The following C1QTNF7 variants were observed in gnomAD, a reference collection of about 807,000 sequenced individuals.
C1QTNF7 encodes the protein complement C1q tumor necrosis factor-related protein 7.
Under a neutral mutation model 19.6 loss-of-function variants are expected in C1QTNF7, and 15 were observed. The ratio of observed to expected loss-of-function variants is 0.76; its 90% CI spans 0.51 to 1.18. C1QTNF7 has a LOEUF of 1.18. Ranked by LOEUF, C1QTNF7 falls within the 50% of genes most tolerant of loss-of-function variation. The pLI is 0.00. For synonymous variants in C1QTNF7, 142 were observed against 137.5 expected, an observed-to-expected ratio of 1.03 and a Z score of -0.23; for missense variants, 324 against 359.7, an observed-to-expected ratio of 0.90 and a Z score of 0.80.
At chr4:15,426,162 A>G (rs1418690874), upstream of C1QTNF7, among the ~76,000 whole-genome samples, 1 of 152,234 alleles carries the variant, frequency 6.6e-6, no homozygotes, top group Non-Finnish European at 1.5e-5. Flanking sequence ...AAAGAGCACA[A>G]GTTGAGAAAG....
At chr4:15,371,235 C>T (rs750241773) in intron 1 of C1QTNF7, among the ~76,000 whole-genome samples, 108 of 152,362 alleles carry the variant, frequency 7.1e-4, no homozygotes, top group Admixed American at 2.5e-3. Flanking sequence ...ACATTAACAA[C>T]CTCATTCTTG....
chr4:15,381,826 C>CAA (rs1390097916), intron 1 of C1QTNF7: 4 of 152,158 alleles, frequency 2.6e-5, no homozygotes, highest in African/African-American at 9.7e-5. Context: ...GTTGAAGAAC[C>CAA]AACTCTTTAA....
intron 2 of C1QTNF7, among the ~76,000 whole-genome samples, chr4:15,439,418 T>C (rs940340779): frequency 6.6e-6 from 1 of 152,202 alleles, no homozygotes; most frequent in Non-Finnish European, 1.5e-5. Flanking sequence ...TCCAACACTT[T>C]CGTTTCAAGG....
upstream of C1QTNF7, among the ~76,000 whole-genome samples, chr4:15,427,311 G>A (rs574150143): frequency 6.6e-6 from 1 of 152,188 alleles, no homozygotes; most frequent in South Asian, 2.1e-4. Context: ...TATTGCTGTT[G>A]CCAAGGAAAT....
intron 1 of C1QTNF7, among the ~76,000 whole-genome samples, chr4:15,384,319 C>CAATTGTTT (rs1284543149): frequency 6.6e-6 from 1 of 152,068 alleles, no homozygotes; most frequent in Non-Finnish European, 1.5e-5. Context: ...GAAATGATAG[C>CAATTGTTT]AATTGTTTAT....
chr4:15,439,451 G>C (rs1045299143), intron 2 of C1QTNF7, among the ~76,000 whole-genome samples: 1 of 152,148 alleles, frequency 6.6e-6, no homozygotes, highest in Non-Finnish European at 1.5e-5. Flanking sequence ...AAGCCAGAGA[G>C]ATCAAGCCCT....
rs149781669 is a variant in C1QTNF7, at chr4:15,393,159, G to A, written c.14-42577G>A. Among the ~76,000 whole-genome samples, 275 of 152,216 alleles carry A rather than the reference G, an allele frequency of 1.8e-3. 1 individual carries two copies. The highest frequency in any genetic ancestry group is 6.3e-3 in the Admixed American group (96 of 15,288). ...TCTCTTTCGCTTGGCCCTCTTTTCT[G>A]TCTTGTCTGCCGCCATGTAAGACAT... On this transcript the variant is annotated intron_variant, in intron 1 of 2. Transcript: ENST00000295297.
intron 1 of C1QTNF7, among the ~76,000 whole-genome samples, chr4:15,373,306 A>G (rs980259408): frequency 6.6e-6 from 1 of 152,142 alleles, no homozygotes; most frequent in Admixed American, 6.5e-5. Context: ...GCCCTTGTAC[A>G]AGGTCATGAA....
intron 1 of C1QTNF7, among the ~76,000 whole-genome samples, chr4:15,400,238 A>G (rs1010830925): frequency 2.0e-5 from 3 of 152,256 alleles, no homozygotes; most frequent in African/African-American, 7.2e-5. Context: ...TTGACTGAAA[A>G]AAGAAAAAAG....
At chr4:15,347,950 A>G (rs1716774213) in intron 1 of C1QTNF7, among the ~76,000 whole-genome samples, 1 of 152,106 alleles carries the variant, frequency 6.6e-6, no homozygotes, top group Admixed American at 6.6e-5. Flanking sequence ...CGGTTGTGTG[A>G]TCATGGTTAA....
chr4:15,385,609 C>G (rs529741279), intron 1 of C1QTNF7, among the ~76,000 whole-genome samples: 3 of 152,272 alleles, frequency 2.0e-5, no homozygotes, highest in Admixed American at 6.5e-5. Flanking sequence ...GAGATCTATC[C>G]TGGGAGAGGT....
intron 1 of C1QTNF7, among the ~76,000 whole-genome samples, chr4:15,348,090 C>T (rs1013541753): frequency 1.3e-5 from 2 of 152,092 alleles, no homozygotes; most frequent in Admixed American, 6.6e-5. Flanking sequence ...ACTTTAGGAG[C>T]CCGATGTATT....
intron 1 of C1QTNF7, among the ~76,000 whole-genome samples, chr4:15,347,045 C>A (rs28671464): frequency 0.017 from 2,650 of 152,250 alleles, 70 homozygotes; most frequent in African/African-American, 0.061. Flanking sequence ...AAAAAAATGG[C>A]AACTTTATAT....
At chr4:15,403,613 C>A (rs1161450287) in intron 1 of C1QTNF7, among the ~76,000 whole-genome samples, 1 of 152,100 alleles carries the variant, frequency 6.6e-6, no homozygotes. Flanking sequence ...TTAGGGTGCA[C>A]CCTAATCCAG....
In C1QTNF7 at chr4:15,442,658, T is replaced by C; in HGVS notation, c.729T>C (p.Asp243=). 6.2e-7 allele frequency: 1 copy of C among 1,614,238 alleles called. No individual in the cohort carries two copies. The highest frequency in any genetic ancestry group is 1.1e-5 in the South Asian group (1 of 91,074). ...CAGTCATCTATCTGCAGCCAGAAGA[T>C]GAAGTCTGGCTGGAGATTTTCTTCA... is the stretch of plus-strand genomic sequence containing the variant. ...GSTVIYLQPE[D]EVWLEIFFTD... Residue 243 remains aspartate, a synonymous_variant, in exon 3 of 3, where the codon GAT becomes GAC. Transcript: ENST00000444304.
At chr4:15,413,960 T>C (rs1719497142) in intron 1 of C1QTNF7, among the ~76,000 whole-genome samples, 1 of 152,236 alleles carries the variant, frequency 6.6e-6, no homozygotes, top group African/African-American at 2.4e-5. Context: ...TGGAACATTG[T>C]CATCACAATG....
At chr4:15,399,390 T>A (rs1267964532) in intron 1 of C1QTNF7, among the ~76,000 whole-genome samples, 1 of 152,090 alleles carries the variant, frequency 6.6e-6, no homozygotes, top group Non-Finnish European at 1.5e-5. Flanking sequence ...GCTCTGAATA[T>A]CTCTGTAGGC....
intron 1 of C1QTNF7, among the ~76,000 whole-genome samples, chr4:15,420,824 G>GTTTTT (rs1487430797): frequency 1.6e-4 from 8 of 51,286 alleles, no homozygotes; most frequent in East Asian, 7.4e-4. Flanking sequence ...CCACTGCTTT[G>GTTTTT]TCTTTTTTTT....
intron 1 of C1QTNF7, among the ~76,000 whole-genome samples, chr4:15,345,410 C>T (rs1030491354): frequency 3.9e-5 from 6 of 152,156 alleles, no homozygotes; most frequent in South Asian, 2.1e-4. Flanking sequence ...GGCAGGGTGA[C>T]GATTTCTACT....
Sources: gnomAD v4.1 joint callset for allele counts (sites outside exome capture counted in the v4.1 genomes callset) on GRCh38, gnomAD v4.1.1 for gene constraint, MANE v1.5 for transcripts, NCBI Gene and HGNC (gene_info 2026-07-23, HGNC 2026-07-21) for gene names.